DGKB: variants seen among roughly 807,000 people sequenced by gnomAD.
The protein encoded by DGKB is diacylglycerol kinase beta.
In DGKB, 67 loss-of-function variants were observed where a neutral mutation model predicts 114.3. That is an observed-to-expected ratio of 0.59 (90% confidence interval 0.48 to 0.72). The LOEUF (loss-of-function observed/expected upper bound fraction) is 0.72. Ranked by LOEUF, DGKB falls within the 30% of genes least tolerant of loss-of-function variation. DGKB has a pLI of 0.00. For synonymous variants in DGKB, 398 were observed against 323.1 expected, an observed-to-expected ratio of 1.23 and a Z score of -2.49; for missense variants, 907 against 975.2, an observed-to-expected ratio of 0.93 and a Z score of 0.93.
At chr7:14,235,033 G>T (rs1303293561) in intron 23 of DGKB, among the ~76,000 whole-genome samples, 4 of 151,994 alleles carry the variant, frequency 2.6e-5, no homozygotes, top group Admixed American at 2.6e-4. Context: ...AATTTTGCAG[G>T]AACCTTCTCT....
At chr7:14,357,663 C>T (rs529998238) in intron 21 of DGKB, among the ~76,000 whole-genome samples, 6 of 152,004 alleles carry the variant, frequency 3.9e-5, no homozygotes, top group African/African-American at 9.7e-5. Flanking sequence ...TTATTTTGCC[C>T]GTTAGTTGAT....
rs1387000629 is a variant in DGKB at position 14,292,382 on chromosome 7, A to C, written c.2122+46133T>G. On this transcript the variant is annotated intron_variant, in intron 23 of 25. Transcript: ENST00000402815. Reference sequence around the variant, plus strand: ...TCTCACAGTATTTTATGTGTATTCAAGCTGTGAAAAGTGTCACAGCAATAC... The same window carrying C: ...TCTCACAGTATTTTATGTGTATTCACGCTGTGAAAAGTGTCACAGCAATAC... Among the ~76,000 whole-genome samples the C allele has an allele frequency of 2.0e-5, 3 of 152,168 alleles. No homozygotes were observed. In the South Asian group the frequency reaches 6.2e-4, roughly 31 times the overall value.
chr7:14,631,129 T>TGAC (rs1219448929), intron 13 of DGKB, among the ~76,000 whole-genome samples: 1 of 151,592 alleles, frequency 6.6e-6, no homozygotes, highest in Non-Finnish European at 1.5e-5. Context: ...GAATTCCCTT[T>TGAC]TCCTCCCTAG....
At chr7:14,821,086 C>A (rs1241351359) in intron 2 of DGKB, among the ~76,000 whole-genome samples, 1 of 152,176 alleles carries the variant, frequency 6.6e-6, no homozygotes, top group East Asian at 1.9e-4. Context: ...GGTCTATTCA[C>A]ATTTAAGTCA....
chr7:14,954,481 G>C (rs1413338735), intron 1 of DGKB, among the ~76,000 whole-genome samples: 1 of 151,976 alleles, frequency 6.6e-6, no homozygotes, highest in African/African-American at 2.4e-5. Context: ...ATAGTGATTT[G>C]ACTTGATTTG....
Position 14,689,199 on chromosome 7 carries a change from A to ATTTT in DGKB, c.712-3841_712-3838dup, listed in dbSNP as rs551618345. On this transcript the variant is annotated intron_variant, in intron 9 of 25. Transcript: ENST00000402815. ...TGACAATGTGACAGAAACTCCTCTT[A>ATTTT]TTTTTTTTTTTTTTTTTTTTTTTTT... 5.7e-3 allele frequency among the ~76,000 whole-genome samples: 436 copies of ATTTT among 76,480 alleles called. 67 individuals carry two copies. Among genetic ancestry groups the ATTTT allele is most frequent in the Admixed American group, 0.048 (252 of 5,196 alleles). 50.2% of individuals were successfully genotyped at this position (76,480 alleles called of 152,430 possible).
intron 1 of DGKB, among the ~76,000 whole-genome samples, chr7:14,857,418 A>C (rs1472015507): frequency 6.6e-6 from 1 of 152,122 alleles, no homozygotes; most frequent in African/African-American, 2.4e-5. Flanking sequence ...AGACACTTCG[A>C]TTTCAACCTT....
chr7:14,620,700 T>TA (rs1457849704), intron 15 of DGKB, among the ~76,000 whole-genome samples: 1 of 151,624 alleles, frequency 6.6e-6, no homozygotes, highest in African/African-American at 2.4e-5. Flanking sequence ...GAAACACAGG[T>TA]AAAAAATAGA....
chr7:14,587,626 C>T (rs1357014377), intron 17 of DGKB, among the ~76,000 whole-genome samples: 1 of 152,012 alleles, frequency 6.6e-6, no homozygotes, highest in East Asian at 1.9e-4. Flanking sequence ...ATCAATGGGT[C>T]AAACTTCATT....
chr7:14,445,343 T>C (rs1830586976), intron 21 of DGKB, among the ~76,000 whole-genome samples: 1 of 151,926 alleles, frequency 6.6e-6, no homozygotes, highest in African/African-American at 2.4e-5. Flanking sequence ...TGATTTATTA[T>C]GTGGAAGAGG....
chr7:14,625,855 T>C (rs1808477077), intron 14 of DGKB, among the ~76,000 whole-genome samples: 1 of 152,190 alleles, frequency 6.6e-6, no homozygotes, highest in African/African-American at 2.4e-5. Context: ...TATTTGAGCA[T>C]TTTCAAATAT....
At chr7:14,179,818 A>G (rs1030370307) in intron 23 of DGKB, among the ~76,000 whole-genome samples, 15 of 152,226 alleles carry the variant, frequency 9.9e-5, no homozygotes, top group African/African-American at 3.4e-4. Context: ...AGTAAAAACA[A>G]TATTTTAGCT....
intron 1 of DGKB, among the ~76,000 whole-genome samples, chr7:14,938,777 TA>T (rs1785405382): frequency 6.6e-6 from 1 of 152,206 alleles, no homozygotes; most frequent in African/African-American, 2.4e-5. Flanking sequence ...AATGTGTAAC[TA>T]TTTGCTTATA....
chr7:14,391,686 T>C (rs1490982675), intron 21 of DGKB, among the ~76,000 whole-genome samples: 2 of 152,098 alleles, frequency 1.3e-5, no homozygotes, highest in East Asian at 1.9e-4. Context: ...AATGAGACCC[T>C]GTGTCAGGAA....
intron 23 of DGKB, among the ~76,000 whole-genome samples, chr7:14,190,117 G>T (rs1328801214): frequency 6.6e-6 from 1 of 152,110 alleles, no homozygotes; most frequent in South Asian, 2.1e-4. Flanking sequence ...GGTTGCACAT[G>T]GAACGTTCTC....
At chr7:14,197,980 C>T (rs571618651) in intron 23 of DGKB, among the ~76,000 whole-genome samples, 3 of 152,106 alleles carry the variant, frequency 2.0e-5, no homozygotes, top group Admixed American at 2.0e-4. Context: ...TCTGGGGACT[C>T]ATTTTGGACT....
At chr7:14,545,705 C>G (rs1563467227) in intron 20 of DGKB, among the ~76,000 whole-genome samples, 1 of 152,162 alleles carries the variant, frequency 6.6e-6, no homozygotes, top group Non-Finnish European at 1.5e-5. Context: ...CTGGGCAATG[C>G]CCACTCTTCC....
chr7:14,365,688 T>G (rs1816557557), intron 21 of DGKB, among the ~76,000 whole-genome samples: 1 of 152,036 alleles, frequency 6.6e-6, no homozygotes, highest in African/African-American at 2.4e-5. Context: ...ATGCCACACT[T>G]CACTTAGCCT....
At chr7:14,572,127 A>G (rs1159583009) in intron 20 of DGKB, among the ~76,000 whole-genome samples, 1 of 152,108 alleles carries the variant, frequency 6.6e-6, no homozygotes, top group East Asian at 1.9e-4. Flanking sequence ...TATTATAAAT[A>G]TGTCAAAAGA....
Sources: gnomAD v4.1 joint callset for allele counts (sites outside exome capture counted in the v4.1 genomes callset) on GRCh38, gnomAD v4.1.1 for gene constraint, MANE v1.5 for transcripts, NCBI Gene and HGNC (gene_info 2026-07-23, HGNC 2026-07-21) for gene names.